Variants in NMT2 observed in about 807,000 individuals in gnomAD.
NMT2 encodes the protein glycylpeptide N-tetradecanoyltransferase 2.
NMT2 carries 35 observed loss-of-function variants against 65.4 expected under a neutral mutation model. The observed-to-expected ratio is 0.54, with a 90% CI of 0.41 to 0.71. NMT2 has a LOEUF of 0.71. Among genes scored for constraint, NMT2 ranks in the 30% least tolerant of loss-of-function variants. The pLI is 0.00. For synonymous variants in NMT2, 226 were observed against 231.8 expected, an observed-to-expected ratio of 0.98 and a Z score of 0.23; for missense variants, 489 against 611.3, an observed-to-expected ratio of 0.80 and a Z score of 2.11.
chr10:15,119,193 T>G, intron 9 of NMT2, 150 bp downstream of exon 9: 1 of 723,168 alleles, frequency 1.4e-6, no homozygotes, highest in South Asian at 1.8e-5. Context: ...TATTCAGAAT[T>G]ATTAATCTTA....
chr10:15,124,550 C>CT (rs1443012618), intron 8 of NMT2, among the ~76,000 whole-genome samples: 1 of 152,226 alleles, frequency 6.6e-6, no homozygotes, highest in Non-Finnish European at 1.5e-5. Context: ...AAAGCTGGCA[C>CT]TCCTACAAGC....
At chr10:15,159,075 G>C (rs1833100404) in intron 1 of NMT2, among the ~76,000 whole-genome samples, 1 of 152,226 alleles carries the variant, frequency 6.6e-6, no homozygotes, top group Non-Finnish European at 1.5e-5. Flanking sequence ...TCTCACCAAA[G>C]GTGTGGCCCT....
At chr10:15,134,298 G>A (rs1034690462) in intron 3 of NMT2, among the ~76,000 whole-genome samples, 7 of 151,932 alleles carry the variant, frequency 4.6e-5, no homozygotes, top group Non-Finnish European at 7.4e-5. Flanking sequence ...TGCCTGCCTC[G>A]GCCCCTCTCC....
At chr10:15,130,485 T>A (rs747314142) in intron 6 of NMT2, among the ~76,000 whole-genome samples, 173 bp from the exon 7 acceptor site, 30 of 152,084 alleles carry the variant, frequency 2.0e-4, no homozygotes, top group Non-Finnish European at 3.2e-4. Flanking sequence ...GGCAGGTGGA[T>A]TGCTTGAGAC....
In NMT2 at chr10:15,108,760, T is replaced by C; in HGVS notation, c.*435A>G. ...CCAGTAAAAAAAATTTCCAAATGGA[T>C]CTTTTGTTCTGTTACATGGACAAAT... On this transcript the variant is annotated 3_prime_UTR_variant, in exon 12 of 12. Coordinates refer to ENST00000378165, the MANE Select transcript of NMT2 (RefSeq NM_004808.3). 1 of 1,016,852 alleles carries C rather than the reference T, an allele frequency of 9.8e-7. No individual in the cohort carries two copies. Among genetic ancestry groups the C allele is most frequent in the Non-Finnish European group, 1.2e-6 (1 of 851,510 alleles). 63.0% of individuals were successfully genotyped at this position (1,016,852 alleles called of 1,614,324 possible).
chr10:15,150,855 C>T (rs1205815320), intron 1 of NMT2, among the ~76,000 whole-genome samples: 1 of 152,108 alleles, frequency 6.6e-6, no homozygotes, highest in Non-Finnish European at 1.5e-5. Context: ...TCAATACAAG[C>T]GTGGCTGGAA....
intron 1 of NMT2, among the ~76,000 whole-genome samples, chr10:15,152,629 G>C (rs1832843018): frequency 6.6e-6 from 1 of 152,112 alleles, no homozygotes; most frequent in Non-Finnish European, 1.5e-5. Context: ...CTGAGGATGG[G>C]GCCAGGCCCA....
chr10:15,144,862 C>T (rs1265885401), intron 1 of NMT2, among the ~76,000 whole-genome samples: 1 of 152,190 alleles, frequency 6.6e-6, no homozygotes, highest in Non-Finnish European at 1.5e-5. Flanking sequence ...ACACTAAACA[C>T]AGATTCCCTG....
At position 15,133,263 on chromosome 10, in the gene NMT2, G is replaced by C; in HGVS notation, c.492C>G (p.Asp164Glu). ...CACTCACCACTTCGGCATCACTCAAGTCTAAAGTGTCCCACATAAAACCCT... is the reference window on the plus strand; with the variant it reads ...CACTCACCACTTCGGCATCACTCAACTCTAAAGTGTCCCACATAAAACCCT... ...LPQGFMWDTL[D>E]LSDAEVLKEL... The change falls in exon 4 of 12, where the codon GAC (aspartate) becomes GAG (glutamate). Residue 164 changes from aspartate to glutamate, a missense_variant. Coordinates refer to ENST00000378165, the MANE Select transcript of NMT2 (RefSeq NM_004808.3). 6.2e-7 allele frequency: 1 copy of C among 1,614,004 alleles called. No individual in the cohort carries two copies. The highest frequency in any genetic ancestry group is 8.5e-7 in the Non-Finnish European group (1 of 1,179,848).
intron 2 of NMT2, chr10:15,141,050 A>ACACCCAGAAAAAT: frequency 6.5e-7 from 1 of 1,548,444 alleles, no homozygotes; most frequent in Non-Finnish European, 8.7e-7. Context: ...AATTAGACAG[A>ACACCCAGAAAAAT]CACCCAGAAA....
Position 15,108,714 on chromosome 10 carries a change from G to C in NMT2, c.*481C>G, listed in dbSNP as rs1024315221. On this transcript the variant is annotated 3_prime_UTR_variant, in exon 12 of 12. Coordinates refer to ENST00000378165, the MANE Select transcript of NMT2 (RefSeq NM_004808.3). Reference sequence around the variant, plus strand: ...AGTGTTGATTCCATAAATGTTCCCAGTGATACCATGTAAGGTGATACCAGT... The same window carrying C: ...AGTGTTGATTCCATAAATGTTCCCACTGATACCATGTAAGGTGATACCAGT... The C allele has an allele frequency of 1.8e-5, 18 of 999,358 alleles. No individual in the cohort carries two copies. The South Asian group carries it at 3.9e-4, about 22-fold the overall frequency. The allele number at this position is 999,358 out of a possible 1,614,324, so 61.9% of individuals were successfully genotyped here.
At chr10:15,168,289 T>G in intron 1 of NMT2, 2 of 206,728 alleles carry the variant, frequency 9.7e-6, no homozygotes, top group Non-Finnish European at 1.9e-5. Context: ...GGCCCCAGCC[T>G]CCCCGCCCAC....
chr10:15,141,181 CT>C, intron 2 of NMT2: 3 of 843,390 alleles, frequency 3.6e-6, no homozygotes. Flanking sequence ...TACAAATTCA[CT>C]GAGAAAAGGG....
rs750859200 is a variant in NMT2 at position 15,161,081 on chromosome 10, C to CAAA, written c.110+7419_110+7421dup. Reference sequence around the variant, plus strand: ...CAGAGCGAGACTCTGCCTCAAAAATCAAAAAAAAAAAAAAAAAAAAAAAAA... The same window carrying CAAA: ...CAGAGCGAGACTCTGCCTCAAAAATCAAAAAAAAAAAAAAAAAAAAAAAAAAAA... On this transcript the variant is annotated intron_variant, in intron 1 of 11. Coordinates refer to ENST00000378165, the MANE Select transcript of NMT2 (RefSeq NM_004808.3). Among the ~76,000 whole-genome samples the CAAA allele has an allele frequency of 4.6e-3, 88 of 19,276 alleles. 6 individuals carry two copies. The highest frequency in any genetic ancestry group is 7.7e-3 in the African/African-American group (44 of 5,748). The allele number at this position is 19,276 out of a possible 152,430, so 12.6% of individuals were successfully genotyped here. A position where few individuals can be genotyped will look rare whatever the true frequency, so the allele number is the denominator to read the frequency against.
At chr10:15,158,713 C>G (rs1245960158) in intron 1 of NMT2, among the ~76,000 whole-genome samples, 2 of 152,156 alleles carry the variant, frequency 1.3e-5, no homozygotes, top group Admixed American at 1.3e-4. Flanking sequence ...CCTGCTATTA[C>G]AGAATACGAT....
chr10:15,164,656 C>T (rs1833316918), intron 1 of NMT2, among the ~76,000 whole-genome samples: 1 of 152,164 alleles, frequency 6.6e-6, no homozygotes, highest in African/African-American at 2.4e-5. Context: ...AAGAAAGTAA[C>T]AGAAGGCAAA....
chr10:15,155,257 A>G (rs1240789024), intron 1 of NMT2: 12 of 1,477,524 alleles, frequency 8.1e-6, no homozygotes, highest in Non-Finnish European at 1.9e-6. Flanking sequence ...AACAGTTCGA[A>G]GGAGACGTGC....
At chr10:15,116,369 A>G (rs7922108) in intron 9 of NMT2, among the ~76,000 whole-genome samples, 38,341 of 152,082 alleles carry the variant, frequency 0.25, 6,143 homozygotes, top group African/African-American at 0.46. Flanking sequence ...CAAAAAATAC[A>G]TAGACGTGAA....
chr10:15,145,853 C>A (rs1418750606), intron 1 of NMT2, among the ~76,000 whole-genome samples: 1 of 152,136 alleles, frequency 6.6e-6, no homozygotes, highest in African/African-American at 2.4e-5. Context: ...CCACAGGACT[C>A]CAGGTACTCT....
Sources: allele counts gnomAD v4.1 joint callset (sites outside exome capture counted in the v4.1 genomes callset), GRCh38; gene constraint gnomAD v4.1.1; transcripts MANE v1.5; gene names NCBI Gene and HGNC (gene_info 2026-07-23, HGNC 2026-07-21).